Variants in ADIPOR1 observed in about 807,000 individuals in gnomAD.
ADIPOR1 encodes adiponectin receptor 1.
In ADIPOR1, 15 loss-of-function variants were observed where a neutral mutation model predicts 37.5. That is an observed-to-expected ratio of 0.40 (90% confidence interval 0.27 to 0.62). The LOEUF (loss-of-function observed/expected upper bound fraction) is 0.62. ADIPOR1 is among the 20% of genes least tolerant of loss of function. The pLI is 0.42. For synonymous variants in ADIPOR1, 173 were observed against 173.2 expected (o/e 1.00, Z 0.01); for missense variants, 286 against 478.0 (o/e 0.60, Z 3.75).
intron 1 of ADIPOR1, among the ~76,000 whole-genome samples, chr1:202,952,911 A>T (rs116005057): frequency 0.029 from 4,398 of 152,328 alleles, 209 homozygotes; most frequent in African/African-American, 0.1. Context: ...ACCCACAAGC[A>T]CAGTTGAAAG....
chr1:202,954,734 A>T (rs529979091), intron 1 of ADIPOR1, among the ~76,000 whole-genome samples: 1 of 152,334 alleles, frequency 6.6e-6, no homozygotes, highest in South Asian at 2.1e-4. Flanking sequence ...GGTTGTTTGT[A>T]CTCCTATAAA....
intron 1 of ADIPOR1, among the ~76,000 whole-genome samples, chr1:202,955,471 G>A (rs1010038121): frequency 5.3e-5 from 8 of 152,068 alleles, no homozygotes; most frequent in Non-Finnish European, 1.2e-4. Context: ...TTACAGGTAT[G>A]AGCCACTGTG....
chr1:202,952,570 C>T (rs970418065), intron 1 of ADIPOR1, among the ~76,000 whole-genome samples: 1 of 152,198 alleles, frequency 6.6e-6, no homozygotes, highest in African/African-American at 2.4e-5. Context: ...TCCTTCCCTC[C>T]TGGAGCTGGG....
chr1:202,945,939 C>T (rs1028291073), intron 4 of ADIPOR1, among the ~76,000 whole-genome samples: 2 of 151,380 alleles, frequency 1.3e-5, no homozygotes, highest in Middle Eastern at 3.5e-3. Flanking sequence ...GTGATGGGTG[C>T]ATTAAAATCT....
chr1:202,954,576 C>T (rs951596754), intron 1 of ADIPOR1, among the ~76,000 whole-genome samples: 2 of 152,190 alleles, frequency 1.3e-5, no homozygotes, highest in Non-Finnish European at 2.9e-5. Context: ...AAGCTTGCCA[C>T]ACCCAATACT....
chr1:202,948,842 A>AGT (rs1654439768), intron 2 of ADIPOR1, among the ~76,000 whole-genome samples: 1 of 150,184 alleles, frequency 6.7e-6, no homozygotes, highest in African/African-American at 2.5e-5. Flanking sequence ...CCCAGGCTGG[A>AGT]GTACAGTGGT....
intron 1 of ADIPOR1, among the ~76,000 whole-genome samples, chr1:202,951,413 G>T (rs1222341885): frequency 1.3e-5 from 2 of 151,976 alleles, no homozygotes; most frequent in Non-Finnish European, 2.9e-5. Flanking sequence ...ATGATCTATG[G>T]TTACTGCACC....
At chr1:202,946,760 C>T in intron 3 of ADIPOR1, 150 bp from the exon 4 acceptor site, 3 of 674,668 alleles carry the variant, frequency 4.4e-6, no homozygotes, top group East Asian at 5.5e-5. Context: ...GGGGGATATC[C>T]AAGACATAGC....
intron 1 of ADIPOR1, chr1:202,954,292 A>G (rs1026095491): frequency 1.3e-5 from 2 of 152,256 alleles, no homozygotes; most frequent in African/African-American, 4.8e-5. Context: ...TCCATTGTCC[A>G]GTTTGGTCTT....
intron 6 of ADIPOR1, 93 bp from the exon 7 acceptor site, chr1:202,942,311 A>C: frequency 3.2e-6 from 4 of 1,245,844 alleles, no homozygotes; most frequent in Non-Finnish European, 3.3e-6. Flanking sequence ...TGTTTATGAT[A>C]ATTAGCTATT....
chr1:202,942,297 T>A, intron 6 of ADIPOR1, 79 bp from the exon 7 acceptor site: 1 of 1,369,664 alleles, frequency 7.3e-7, no homozygotes, highest in Non-Finnish European at 9.9e-7. Flanking sequence ...CTCTGGAATT[T>A]CAATGTTTAT....
At position 202,942,216 on chromosome 1, in the gene ADIPOR1, C is replaced by T. The variant is rs775693036; in HGVS notation, c.808G>A (p.Val270Met). 21 of 1,613,150 alleles carry T rather than the reference C, an allele frequency of 1.3e-5. No individual in the cohort carries two copies. Among genetic ancestry groups the T allele is most frequent in the South Asian group, 6.6e-5 (6 of 90,954 alleles). Residue 270 changes from valine (V) to methionine (M), a missense_variant and splice_region_variant, in exon 7 of 8, where the codon GTG (valine) becomes ATG (methionine). Coordinates refer to ENST00000340990, the MANE Select transcript of ADIPOR1 (RefSeq NM_015999.6). ...TPKHRQTRAG[V>M]FLGLGLSGVV... Reference sequence around the variant, plus strand: ...CCACTCAAGCCAAGTCCCAGGAACACGCCTGAACAGAACAGACATAAGACT... The same window carrying T: ...CCACTCAAGCCAAGTCCCAGGAACATGCCTGAACAGAACAGACATAAGACT...
chr1:202,949,579 C>CAAAAAAAAAAAA (rs57643319), intron 2 of ADIPOR1, among the ~76,000 whole-genome samples: 2 of 99,140 alleles, frequency 2.0e-5, no homozygotes, highest in East Asian at 3.6e-4. Flanking sequence ...ACTCTGTCTC[C>CAAAAAAAAAAAA]AAAAAAAAAA....
Position 202,942,012 on chromosome 1 carries a change from A to G in ADIPOR1, c.999+13T>C. 5 of 1,605,170 alleles carry G rather than the reference A, an allele frequency of 3.1e-6. No homozygotes were observed. Among genetic ancestry groups the G allele is most frequent in the Non-Finnish European group, 4.3e-6 (5 of 1,174,718 alleles). On this transcript the variant is annotated intron_variant, in intron 7 of 7. Coordinates refer to ENST00000340990, the MANE Select transcript of ADIPOR1 (RefSeq NM_015999.6). ...TCACCATCACAGGACCTGCTGGAAG[A>G]TTCATTTCTTACCCATATGTCAAAT... is the stretch of plus-strand genomic sequence containing the variant.
At chr1:202,946,753 G>A in intron 3 of ADIPOR1, 143 bp from the exon 4 acceptor site, 1 of 722,004 alleles carries the variant, frequency 1.4e-6, no homozygotes, top group Non-Finnish European at 2.3e-6. Flanking sequence ...CTGGACTGGG[G>A]GATATCCAAG....
At chr1:202,953,843 A>G (rs945066316) in intron 1 of ADIPOR1, among the ~76,000 whole-genome samples, 11 of 152,206 alleles carry the variant, frequency 7.2e-5, no homozygotes, top group African/African-American at 2.4e-4. Flanking sequence ...CTCAACTAGA[A>G]TGGTCACACA....
rs1479344837 is a variant in ADIPOR1 at position 202,958,197 on chromosome 1, G to A, written c.-107C>T. The stretch of plus-strand genomic sequence containing the variant: ...CTGGGAGACTTACAGCCGGGCAGGC[G>A]GGCTCTGCTGGGGGCCGCGGTCCCC... On this transcript the variant is annotated 5_prime_UTR_variant, in exon 1 of 8. Transcript: ENST00000340990. 6.6e-6 allele frequency: 1 copy of A among 152,026 alleles called. No homozygotes were observed. The highest frequency in any genetic ancestry group is 1.5e-5 in the Non-Finnish European group (1 of 67,992). 9.4% of individuals were successfully genotyped at this position (152,026 alleles called of 1,614,324 possible).
At chr1:202,945,222 C>CT (rs1484876847) in intron 4 of ADIPOR1, 53 bp from the exon 5 acceptor site, 2 of 1,458,618 alleles carry the variant, frequency 1.4e-6, no homozygotes, top group Admixed American at 2.6e-5. Context: ...AATGTGTACA[C>CT]TTTGATGGTT....
intron 1 of ADIPOR1, among the ~76,000 whole-genome samples, chr1:202,953,339 G>C (rs1039812844): frequency 1.3e-5 from 2 of 151,944 alleles, no homozygotes; most frequent in African/African-American, 4.8e-5. Context: ...CACTTAGCTT[G>C]TTACTTACTA....
Sources: allele counts gnomAD v4.1 joint callset (sites outside exome capture counted in the v4.1 genomes callset), GRCh38; gene constraint gnomAD v4.1.1; transcripts MANE v1.5; gene names NCBI Gene and HGNC (gene_info 2026-07-23, HGNC 2026-07-21).